CORO7: variants seen among roughly 807,000 people sequenced by gnomAD.
CORO7 encodes coronin 7, also known as coronin-7.
CORO7 carries 107 observed loss-of-function variants against 126.6 expected under a neutral mutation model. The observed-to-expected ratio is 0.85, with a 90% CI of 0.72 to 0.99. CORO7 has a LOEUF of 0.99. Among genes scored for constraint, CORO7 ranks in the 50% least tolerant of loss-of-function variants. CORO7 has a pLI of 0.00. For synonymous variants in CORO7, 603 were observed against 536.8 expected, an observed-to-expected ratio of 1.12 and a Z score of -1.70; for missense variants, 1,314 against 1,255.8, an observed-to-expected ratio of 1.05 and a Z score of -0.70.
intron 9 of CORO7, among the ~76,000 whole-genome samples, chr16:4,367,291 G>A (rs1294446614): frequency 6.6e-6 from 1 of 152,242 alleles, no homozygotes; most frequent in Admixed American, 6.5e-5. Flanking sequence ...CCAAGGTGGT[G>A]CGTGACCTGG....
At chr16:4,379,971 T>C (rs1427543662) in intron 9 of CORO7, among the ~76,000 whole-genome samples, 2 of 150,756 alleles carry the variant, frequency 1.3e-5, no homozygotes. Flanking sequence ...GGCAGGAGAA[T>C]TGCTTGAACC....
At chr16:4,361,897 C>A in intron 16 of CORO7, 88 bp downstream of exon 16, 1 of 1,533,980 alleles carries the variant, frequency 6.5e-7, no homozygotes, top group South Asian at 1.2e-5. Flanking sequence ...GGTTTGTGCT[C>A]CCTGTGTTGT....
chr16:4,398,010 G>C (rs1463355899), intron 6 of CORO7, among the ~76,000 whole-genome samples: 2 of 152,132 alleles, frequency 1.3e-5, no homozygotes, highest in African/African-American at 4.8e-5. Flanking sequence ...CAACCTCCTG[G>C]ACTAAAGCAA....
At chr16:4,376,365 GGCCACACA>G (rs2054731449) in intron 9 of CORO7, among the ~76,000 whole-genome samples, 1 of 152,192 alleles carries the variant, frequency 6.6e-6, no homozygotes, top group African/African-American at 2.4e-5. Context: ...AGGCCTGACC[GGCCACACA>G]GAGCCTTGGC....
chr16:4,400,325 C>T lies in CORO7; in HGVS notation c.565-4986G>A, dbSNP rs537574849. 2.0e-5 allele frequency among the ~76,000 whole-genome samples: 3 copies of T among 151,994 alleles called. No homozygotes were observed. The East Asian group carries it at 5.8e-4, about 29-fold the overall frequency. On this transcript the variant is annotated intron_variant, in intron 6 of 27. Transcript: ENST00000251166. Reference sequence around the variant, plus strand: ...ACCAGCCTGGTCAACAAGGTGAAACCCCATCTCTAAAAATACAAAAAAATT... The same window carrying T: ...ACCAGCCTGGTCAACAAGGTGAAACTCCATCTCTAAAAATACAAAAAAATT...
chr16:4,377,191 C>T (rs1416987431), intron 9 of CORO7, among the ~76,000 whole-genome samples: 1 of 152,116 alleles, frequency 6.6e-6, no homozygotes, highest in Admixed American at 6.5e-5. Context: ...GGACGGAGGC[C>T]CCAGACCCTT....
At chr16:4,378,133 C>T (rs1381453350) in intron 9 of CORO7, among the ~76,000 whole-genome samples, 1 of 152,240 alleles carries the variant, frequency 6.6e-6, no homozygotes, top group African/African-American at 2.4e-5. Context: ...CACACCTGGC[C>T]TTGCAGGGCT....
intron 9 of CORO7, chr16:4,380,870 G>T: frequency 6.6e-7 from 1 of 1,509,764 alleles, no homozygotes; most frequent in Non-Finnish European, 8.8e-7. Context: ...TGCTCCCAGG[G>T]ACAGAAGATG....
At chr16:4,377,041 G>C in intron 9 of CORO7, among the ~76,000 whole-genome samples, 1 of 152,170 alleles carries the variant, frequency 6.6e-6, no homozygotes, top group East Asian at 1.9e-4. Context: ...CGAGCACCAC[G>C]AGCAGCGCCC....
At chr16:4,383,804 T>C (rs887818895) in intron 9 of CORO7, among the ~76,000 whole-genome samples, 3 of 152,222 alleles carry the variant, frequency 2.0e-5, no homozygotes, top group Admixed American at 2.0e-4. Context: ...CATGTGCGGC[T>C]GGGAGAGGCT....
chr16:4,367,407 T>G (rs1306092554), intron 9 of CORO7, among the ~76,000 whole-genome samples: 1 of 152,208 alleles, frequency 6.6e-6, no homozygotes, highest in African/African-American at 2.4e-5. Flanking sequence ...ATTCACTCCT[T>G]TGATGAGCTG....
chr16:4,379,039 T>G (rs1357950677), intron 9 of CORO7, among the ~76,000 whole-genome samples: 1 of 152,038 alleles, frequency 6.6e-6, no homozygotes, highest in African/African-American at 2.4e-5. Context: ...GTGACTTGTC[T>G]AATCTGTCCT....
rs2054929287 is a variant in CORO7, at chr16:4,380,827, C to T, written c.785+7159G>A. On this transcript the variant is annotated intron_variant, in intron 9 of 27. Coordinates refer to ENST00000251166, the MANE Select transcript of CORO7 (RefSeq NM_024535.5). ...CCTGGCGTGTCTGCCTTCTAGGCCC[C>T]TGACTCACAGTCTTCTGTCTCTGCC... The T allele has an allele frequency of 9.8e-6, 14 of 1,432,154 alleles. No individual in the cohort carries two copies. The South Asian group carries it at 1.5e-4, about 15-fold the overall frequency. 88.7% of individuals were successfully genotyped at this position (1,432,154 alleles called of 1,614,324 possible).
At chr16:4,393,668 C>T (rs1286484303) in intron 7 of CORO7, among the ~76,000 whole-genome samples, 1 of 152,114 alleles carries the variant, frequency 6.6e-6, no homozygotes, top group Non-Finnish European at 1.5e-5. Flanking sequence ...GGGAAAACGT[C>T]CTAGAAATGG....
chr16:4,374,091 G>A (rs1416711552), intron 9 of CORO7, among the ~76,000 whole-genome samples: 2 of 151,718 alleles, frequency 1.3e-5, no homozygotes, highest in Non-Finnish European at 2.9e-5. Context: ...GTGCACGTGT[G>A]TGTGTGTGTG....
In CORO7 at chr16:4,361,195, C is replaced by T; in HGVS notation, c.1741G>A (p.Glu581Lys). The change falls in exon 18 of 28, where the codon GAG becomes AAG. Residue 581 changes from glutamate to lysine, a missense_variant. By Grantham distance (56) the Glu-to-Lys change is moderately conservative. Coordinates refer to ENST00000251166, the MANE Select transcript of CORO7 (RefSeq NM_024535.5). ...ACAGTCTCTGGCGTGGTGAGCACCT[C>T]TTCCAGGCCCTCTGCGGGTACCCGC... Reference protein sequence around the residue: ...LWRVPAEGLEEVLTTPETVLT... With the variant: ...LWRVPAEGLEKVLTTPETVLT... 1.2e-6 allele frequency: 2 copies of T among 1,612,358 alleles called. No homozygotes were observed. Among genetic ancestry groups the T allele is most frequent in the Non-Finnish European group, 1.7e-6 (2 of 1,180,006 alleles).
chr16:4,386,616 G>C (rs1186204607), intron 9 of CORO7, among the ~76,000 whole-genome samples: 6 of 152,174 alleles, frequency 3.9e-5, no homozygotes, highest in Non-Finnish European at 8.8e-5. Context: ...ACTCCTCCCT[G>C]AATCTCCAAT....
Position 4,359,405 on chromosome 16 carries a change from C to A in CORO7, c.2251-20G>T. 3 of 1,613,574 alleles carry A rather than the reference C, an allele frequency of 1.9e-6. No homozygotes were observed. The highest frequency in any genetic ancestry group is 2.5e-6 in the Non-Finnish European group (3 of 1,179,958). ...GTCGCCCTGCGGGGAAGAAGGCAGGCTGGGAACCCTCCGGCAACACTGGCC... is the reference window on the plus strand; with the variant it reads ...GTCGCCCTGCGGGGAAGAAGGCAGGATGGGAACCCTCCGGCAACACTGGCC... On this transcript the variant is annotated intron_variant, in intron 22 of 27. Transcript: ENST00000251166.
chr16:4,408,171 C>T lies in CORO7; in HGVS notation c.303+10G>A. 6.2e-7 allele frequency: 1 copy of T among 1,614,142 alleles called. No individual in the cohort carries two copies. The highest frequency in any genetic ancestry group is 8.5e-7 in the Non-Finnish European group (1 of 1,179,998). ...GACATAGAGCAGCTCTTCCAACTGG[C>T]TCCACTCACCGTCCTGTCAGCCGAG... is the stretch of plus-strand genomic sequence containing the variant. On this transcript the variant is annotated intron_variant, in intron 4 of 27. Transcript: ENST00000251166.
Sources: gnomAD v4.1 joint callset for allele counts (sites outside exome capture counted in the v4.1 genomes callset) on GRCh38, gnomAD v4.1.1 for gene constraint, MANE v1.5 for transcripts, NCBI Gene and HGNC (gene_info 2026-07-23, HGNC 2026-07-21) for gene names.